Variants in PTPRG observed in about 807,000 individuals in gnomAD.
PTPRG encodes the protein protein tyrosine phosphatase receptor type G, also known as receptor-type tyrosine-protein phosphatase gamma.
PTPRG carries 102 observed loss-of-function variants against 165.3 expected under a neutral mutation model. The ratio of observed to expected loss-of-function variants is 0.62; its 90% CI spans 0.53 to 0.73. The LOEUF is 0.73. Ranked by LOEUF, PTPRG falls within the 30% of genes least tolerant of loss-of-function variation. PTPRG has a pLI of 0.00. For synonymous variants in PTPRG, 675 were observed against 669.5 expected (o/e 1.01, Z -0.13); for missense variants, 1,866 against 1,861.4 (o/e 1.00, Z -0.05).
intron 1 of PTPRG, among the ~76,000 whole-genome samples, chr3:61,711,456 C>T (rs1056141938): frequency 2.0e-5 from 3 of 152,254 alleles, no homozygotes; most frequent in South Asian, 2.1e-4. Context: ...TTTTAATGAT[C>T]GCCATTCTAA....
intron 2 of PTPRG, among the ~76,000 whole-genome samples, chr3:61,833,830 G>T (rs1219520758): frequency 6.6e-6 from 1 of 152,140 alleles, no homozygotes; most frequent in African/African-American, 2.4e-5. Flanking sequence ...CTCCCAAAGC[G>T]CTAGGATTAC....
At chr3:61,906,013 C>T (rs1255106614) in intron 2 of PTPRG, among the ~76,000 whole-genome samples, 2 of 152,058 alleles carry the variant, frequency 1.3e-5, no homozygotes, top group African/African-American at 4.8e-5. Flanking sequence ...TTCAGAGAGA[C>T]ATGAATACAT....
chr3:61,799,808 A>T (rs2035177661), intron 2 of PTPRG, among the ~76,000 whole-genome samples: 1 of 152,188 alleles, frequency 6.6e-6, no homozygotes, highest in African/African-American at 2.4e-5. Flanking sequence ...AGGAGGTGGG[A>T]GTTATTCACT....
chr3:61,681,666 G>A (rs893743651), intron 1 of PTPRG, among the ~76,000 whole-genome samples: 2 of 152,124 alleles, frequency 1.3e-5, no homozygotes, highest in South Asian at 2.1e-4. Flanking sequence ...TTTCTATAGG[G>A]TTTAGATGAG....
At chr3:61,958,947 A>G (rs571224078) in intron 2 of PTPRG, among the ~76,000 whole-genome samples, 2 of 152,332 alleles carry the variant, frequency 1.3e-5, no homozygotes, top group Admixed American at 1.3e-4. Flanking sequence ...ACATCTAGCC[A>G]GGACTCAGTG....
At chr3:61,631,439 TTCTA>T (rs1440903921) in intron 1 of PTPRG, among the ~76,000 whole-genome samples, 1 of 152,240 alleles carries the variant, frequency 6.6e-6, no homozygotes, top group African/African-American at 2.4e-5. Flanking sequence ...GCTATACCTG[TTCTA>T]TCTTAGTGGT....
chr3:62,270,015 AT>A (rs1702009244), intron 20 of PTPRG, among the ~76,000 whole-genome samples: 1 of 152,204 alleles, frequency 6.6e-6, no homozygotes, highest in African/African-American at 2.4e-5. Context: ...TTATATGAAT[AT>A]ATACTGTTTC....
At chr3:62,154,425 G>C (rs1261313385) in intron 6 of PTPRG, among the ~76,000 whole-genome samples, 1 of 152,192 alleles carries the variant, frequency 6.6e-6, no homozygotes, top group Non-Finnish European at 1.5e-5. Context: ...TGTTGGTCAA[G>C]AACAGAGATG....
intron 2 of PTPRG, among the ~76,000 whole-genome samples, chr3:61,854,255 T>A (rs2037042218): frequency 6.6e-6 from 1 of 152,190 alleles, no homozygotes. Context: ...TTTAGGCCAC[T>A]TTGAGGTGGG....
chr3:62,146,109 G>A (rs569518802), intron 6 of PTPRG, among the ~76,000 whole-genome samples: 1 of 152,260 alleles, frequency 6.6e-6, no homozygotes, highest in South Asian at 2.1e-4. Flanking sequence ...ATAATATTGG[G>A]TTTTTGTCAC....
At position 61,924,279 on chromosome 3, in the gene PTPRG, G is replaced by C. The variant is rs145325049; in HGVS notation, c.191-65346G>C. 1.8e-3 allele frequency among the ~76,000 whole-genome samples: 273 copies of C among 152,326 alleles called. 3 individuals are homozygous for C. The highest frequency in any genetic ancestry group is 6.4e-3 in the African/African-American group (264 of 41,572). On this transcript the variant is annotated intron_variant, in intron 2 of 29. Transcript: ENST00000474889. ...CCTGCACTTGCAGGTCACAGGGTCA[G>C]CTGCTTCTGGATATGGCAAGTCCTA...
intron 5 of PTPRG, among the ~76,000 whole-genome samples, chr3:62,089,745 A>G (rs1701869398): frequency 6.6e-6 from 1 of 152,198 alleles, no homozygotes; most frequent in Admixed American, 6.5e-5. Flanking sequence ...TTCTCTGAGT[A>G]TGTATTAAGT....
Position 62,231,463 on chromosome 3 carries a change from C to A in PTPRG, c.2375+152C>A. On this transcript the variant is annotated intron_variant, in intron 14 of 29. Transcript: ENST00000474889. ...CCTGAATTCCCAAAAGTAAGACTTG[C>A]AAATATCAATTCAGCTTGTGGGTAG... is the stretch of plus-strand genomic sequence containing the variant. 6.0e-6 allele frequency: 3 copies of A among 499,440 alleles called. No individual in the cohort carries two copies. In the Admixed American group the frequency reaches 1.3e-4, roughly 21 times the overall value. 30.9% of individuals were successfully genotyped at this position (499,440 alleles called of 1,614,324 possible).
intron 1 of PTPRG, among the ~76,000 whole-genome samples, chr3:61,747,017 A>G (rs2106907564): frequency 6.6e-6 from 1 of 152,250 alleles, no homozygotes; most frequent in South Asian, 2.1e-4. Context: ...CCAGCTACTC[A>G]AGAGGCTAAG....
intron 2 of PTPRG, among the ~76,000 whole-genome samples, chr3:61,819,049 A>T (rs1487280466): frequency 1.3e-5 from 2 of 152,166 alleles, no homozygotes; most frequent in Non-Finnish European, 2.9e-5. Context: ...TCCCAGCAAA[A>T]AGACTCTGTC....
intron 4 of PTPRG, among the ~76,000 whole-genome samples, chr3:62,075,214 G>A (rs188397238): frequency 8.5e-5 from 13 of 152,182 alleles, no homozygotes; most frequent in Middle Eastern, 6.8e-3. Context: ...CACGCTATTC[G>A]GGTGATGCAT....
At chr3:62,211,947 T>G (rs182785048) in intron 12 of PTPRG, among the ~76,000 whole-genome samples, 3 of 152,096 alleles carry the variant, frequency 2.0e-5, no homozygotes, top group Non-Finnish European at 4.4e-5. Flanking sequence ...CTGAAAACTG[T>G]TTTTCTTTTC....
At chr3:61,629,281 A>T (rs1701700935) in intron 1 of PTPRG, among the ~76,000 whole-genome samples, 1 of 152,002 alleles carries the variant, frequency 6.6e-6, no homozygotes, top group Non-Finnish European at 1.5e-5. Context: ...CAGCCTCCTG[A>T]GTAGCTGGGA....
chr3:62,096,888 T>C (rs994794923), intron 5 of PTPRG, among the ~76,000 whole-genome samples: 1 of 152,246 alleles, frequency 6.6e-6, no homozygotes, highest in Non-Finnish European at 1.5e-5. Context: ...TACTCAGTTA[T>C]AATTTGCAGT....
Sources: gnomAD v4.1 joint callset for allele counts (sites outside exome capture counted in the v4.1 genomes callset) on GRCh38, gnomAD v4.1.1 for gene constraint, MANE v1.5 for transcripts, NCBI Gene and HGNC (gene_info 2026-07-23, HGNC 2026-07-21) for gene names.